Variants in RRP1B observed in about 807,000 individuals in gnomAD.
RRP1B encodes ribosomal RNA processing 1B, also known as ribosomal RNA processing protein 1 homolog B.
RRP1B carries 56 observed loss-of-function variants against 80.2 expected under a neutral mutation model. The observed-to-expected ratio is 0.70, with a 90% CI of 0.56 to 0.87. The LOEUF (loss-of-function observed/expected upper bound fraction) is 0.87, where lower values mean the gene tolerates loss of function less well. Among genes scored for constraint, RRP1B ranks in the 40% least tolerant of loss-of-function variants. The pLI is 0.00. For synonymous variants in RRP1B, 351 were observed against 357.6 expected (o/e 0.98, Z 0.21); for missense variants, 807 against 939.8 (o/e 0.86, Z 1.85).
At chr21:43,678,233 C>T (rs2083029833) in intron 8 of RRP1B, among the ~76,000 whole-genome samples, 1 of 152,092 alleles carries the variant, frequency 6.6e-6, no homozygotes, top group African/African-American at 2.4e-5. Flanking sequence ...CATCTCAGTT[C>T]ACTGCAGCCT....
rs1156605086 is a variant in RRP1B, at chr21:43,687,726, C to T, written c.1352C>T (p.Thr451Met). The change falls in exon 13 of 16, where the codon ACG becomes ATG. Residue 451 changes from threonine (T) to methionine (M), a missense_variant. Coordinates refer to ENST00000340648, the MANE Select transcript of RRP1B (RefSeq NM_015056.3). ...GTGGCCGAGCCAGGTGCAGAGGCCA[C>T]GTCCAGCACTGGGGAGGAGAGTGGC... Reference protein sequence around the residue: ...ARVAEPGAEATSSTGEESGSE... With the variant: ...ARVAEPGAEAMSSTGEESGSE... 6.2e-7 allele frequency: 1 copy of T among 1,612,970 alleles called. No individual in the cohort carries two copies. The highest frequency in any genetic ancestry group is 8.5e-7 in the Non-Finnish European group (1 of 1,179,804).
Position 43,691,323 on chromosome 21 carries a change from A to G in RRP1B, c.2020-116A>G. 2.3e-6 allele frequency: 2 copies of G among 879,710 alleles called. No homozygotes were observed. Among genetic ancestry groups the G allele is most frequent in the South Asian group, 2.9e-5 (2 of 68,042 alleles). The allele number at this position is 879,710 out of a possible 1,614,324, so 54.5% of individuals were successfully genotyped here. A position where few individuals can be genotyped will look rare whatever the true frequency, so the allele number is the denominator to read the frequency against. On this transcript the variant is annotated intron_variant, in intron 14 of 15. Coordinates refer to ENST00000340648, the MANE Select transcript of RRP1B (RefSeq NM_015056.3). This position sits in a 1 kb window ranked among gnomAD's most constrained non-coding sequence, Gnocchi z 4.2. ...TGGCCTCTCCCTATATGTGCCACTC[A>G]GTAAGCAGCAGTGTGGGCGGCATAC...
chr21:43,662,922 C>A (rs1294953281), intron 1 of RRP1B, among the ~76,000 whole-genome samples: 1 of 152,220 alleles, frequency 6.6e-6, no homozygotes, highest in African/African-American at 2.4e-5. Context: ...ATCCCAAAAT[C>A]AACCCAGTGA....
chr21:43,687,744 A>T lies in RRP1B; in HGVS notation c.1370A>T (p.Glu457Val). The change falls in exon 13 of 16, where the codon GAG (glutamate) becomes GTG (valine). Residue 457 changes from glutamate to valine, a missense_variant. Transcript: ENST00000340648. Reference protein sequence around the residue: ...GAEATSSTGEESGSEHPPAVP... With the variant: ...GAEATSSTGEVSGSEHPPAVP... Reference sequence around the variant, plus strand: ...GAGGCCACGTCCAGCACTGGGGAGGAGAGTGGCTCCGAGCATCCTCCAGCC... The same window carrying T: ...GAGGCCACGTCCAGCACTGGGGAGGTGAGTGGCTCCGAGCATCCTCCAGCC... 1 of 1,613,216 alleles carries T rather than the reference A, an allele frequency of 6.2e-7. No homozygotes were observed. The highest frequency in any genetic ancestry group is 1.1e-5 in the South Asian group (1 of 91,084).
Position 43,695,571 on chromosome 21 carries a change from G to A in RRP1B, c.*2188G>A, listed in dbSNP as rs891328551. The A allele has an allele frequency of 5.3e-5, 8 of 152,132 alleles. No individual in the cohort carries two copies. The highest frequency in any genetic ancestry group is 1.2e-4 in the Non-Finnish European group (8 of 68,024). 9.4% of individuals were successfully genotyped at this position (152,132 alleles called of 1,614,324 possible). ...TTTAATGCCTAAGTTTTGACAGCAG[G>A]AAGAAAACAATTTTTTAAAAATTCT... On this transcript the variant is annotated 3_prime_UTR_variant, in exon 16 of 16. Transcript: ENST00000340648.
intron 2 of RRP1B, among the ~76,000 whole-genome samples, chr21:43,671,142 AGT>A (rs1465243395): frequency 6.6e-6 from 1 of 152,094 alleles, no homozygotes; most frequent in Admixed American, 6.5e-5. Context: ...GTCTCCCCAG[AGT>A]GAGCCTGCTG....
chr21:43,664,339 A>AAAAAG (rs2082969894), intron 1 of RRP1B, among the ~76,000 whole-genome samples: 1 of 152,062 alleles, frequency 6.6e-6, no homozygotes, highest in Non-Finnish European at 1.5e-5. Context: ...AAAAAAAAAA[A>AAAAAG]AAAAAGAAAA....
intron 3 of RRP1B, among the ~76,000 whole-genome samples, chr21:43,672,941 C>T (rs543540696): frequency 6.6e-6 from 1 of 152,254 alleles, no homozygotes; most frequent in South Asian, 2.1e-4. Flanking sequence ...CAAAATTCTA[C>T]ATATGATGTA....
At chr21:43,682,702 C>T (rs1181567513) in intron 8 of RRP1B, among the ~76,000 whole-genome samples, 3 of 152,144 alleles carry the variant, frequency 2.0e-5, no homozygotes, top group Non-Finnish European at 2.9e-5. Flanking sequence ...AACGGGACCA[C>T]GTGTGGGGGA....
chr21:43,673,719 TTTAA>T (rs1290250876), intron 3 of RRP1B, 147 bp from the exon 4 acceptor site: 1 of 551,584 alleles, frequency 1.8e-6, no homozygotes, highest in Non-Finnish European at 3.3e-6. Context: ...ATTGAGTATA[TTTAA>T]TTATCAACAG....
intron 13 of RRP1B, among the ~76,000 whole-genome samples, chr21:43,689,082 G>A (rs371051429): frequency 3.3e-5 from 5 of 152,226 alleles, no homozygotes; most frequent in African/African-American, 7.2e-5. Flanking sequence ...GCCCTGATCC[G>A]CTTTTCACAC....
At chr21:43,668,308 G>A (rs116474776) in intron 1 of RRP1B, among the ~76,000 whole-genome samples, 122 of 150,744 alleles carry the variant, frequency 8.1e-4, no homozygotes, top group African/African-American at 2.9e-3. Context: ...TAAGGTTAAC[G>A]CACTCTGAAT....
At chr21:43,679,178 C>G (rs555762996) in intron 8 of RRP1B, among the ~76,000 whole-genome samples, 1 of 151,290 alleles carries the variant, frequency 6.6e-6, no homozygotes, top group African/African-American at 2.4e-5. Flanking sequence ...AGTTTGAAAT[C>G]GAGTGTTCTG....
In RRP1B at chr21:43,672,321, A is replaced by G. The variant is rs996399342; in HGVS notation, c.227A>G (p.Asn76Ser). Residue 76 changes from asparagine to serine, a missense_variant, in exon 3 of 16, where the codon AAC becomes AGC. Coordinates refer to ENST00000340648, the MANE Select transcript of RRP1B (RefSeq NM_015056.3). ...DEPLLQEELA[N>S]TIAQLVHAVN... ...CCGCCTCTGCAGGAAGAGCTCGCCA[A>G]CACCATTGCACAGCTAGTCCATGCT... 1.9e-6 allele frequency: 3 copies of G among 1,613,988 alleles called. No homozygotes were observed. The highest frequency in any genetic ancestry group is 1.1e-5 in the South Asian group (1 of 91,082).
chr21:43,691,528 G>C lies in RRP1B; in HGVS notation c.2083+26G>C, dbSNP rs767748991. On this transcript the variant is annotated intron_variant, in intron 15 of 15. Transcript: ENST00000340648. This position sits in a 1 kb window ranked among gnomAD's most constrained non-coding sequence, Gnocchi z 4.2. Reference sequence around the variant, plus strand: ...GTAAGTGGGGTTTTGCCAGCGGCAAGCTTCTCTGGAGCACAGCTGCAGCTC... The same window carrying C: ...GTAAGTGGGGTTTTGCCAGCGGCAACCTTCTCTGGAGCACAGCTGCAGCTC... The C allele has an allele frequency of 6.2e-6, 10 of 1,611,402 alleles. No individual in the cohort carries two copies. Among genetic ancestry groups the C allele is most frequent in the Non-Finnish European group, 8.5e-6 (10 of 1,177,834 alleles).
intron 1 of RRP1B, among the ~76,000 whole-genome samples, chr21:43,669,544 T>C (rs953837978): frequency 6.6e-6 from 1 of 152,186 alleles, no homozygotes; most frequent in African/African-American, 2.4e-5. Flanking sequence ...AAAATGTCAG[T>C]GTGCAGGATG....
intron 1 of RRP1B, among the ~76,000 whole-genome samples, chr21:43,664,071 T>C (rs1359931412): frequency 6.6e-6 from 1 of 152,170 alleles, no homozygotes; most frequent in Admixed American, 6.5e-5. Flanking sequence ...CTTCAAAAAT[T>C]GGTGGCTTGT....
At chr21:43,683,511 A>G in intron 9 of RRP1B, 138 bp downstream of exon 9, 2 of 620,444 alleles carry the variant, frequency 3.2e-6, no homozygotes, top group South Asian at 4.1e-5. Flanking sequence ...ACTAAATGTC[A>G]CCTTCTGAAG....
intron 1 of RRP1B, among the ~76,000 whole-genome samples, chr21:43,663,308 C>A (rs759525861): frequency 2.6e-5 from 4 of 152,306 alleles, no homozygotes; most frequent in Middle Eastern, 3.4e-3. Flanking sequence ...CTCTTTCACC[C>A]AGGCTGAAGT....
Sources: allele counts gnomAD v4.1 joint callset (sites outside exome capture counted in the v4.1 genomes callset), GRCh38; gene constraint gnomAD v4.1.1; non-coding constraint Gnocchi (gnomAD v3.1); transcripts MANE v1.5; gene names NCBI Gene and HGNC (gene_info 2026-07-23, HGNC 2026-07-21).